Variants in CTSO observed in about 807,000 individuals in gnomAD.
CTSO encodes cathepsin O.
In CTSO, 40 loss-of-function variants were observed where a neutral mutation model predicts 42.4. The ratio of observed to expected loss-of-function variants is 0.94; its 90% confidence interval spans 0.73 to 1.23. The LOEUF (loss-of-function observed/expected upper bound fraction) is 1.23, where lower values mean the gene tolerates loss of function less well. CTSO is among the 50% of genes most tolerant of loss of function. The pLI is 0.00. For missense variants in CTSO, 441 were observed against 396.0 expected (o/e 1.11, Z -0.96); for synonymous variants, 156 against 146.2 (o/e 1.07, Z -0.48).
Position 155,925,809 on chromosome 4 carries a change from T to TA in CTSO, c.*226dup, listed in dbSNP as rs1241560469. 3 of 496,094 alleles carry TA rather than the reference T, an allele frequency of 6.0e-6. No homozygotes were observed. The highest frequency in any genetic ancestry group is 8.5e-5 in the Admixed American group (2 of 23,536). The allele number at this position is 496,094 out of a possible 1,614,324, so 30.7% of individuals were successfully genotyped here. A position where few individuals can be genotyped will look rare whatever the true frequency, so the allele number is the denominator to read the frequency against. On this transcript the variant is annotated 3_prime_UTR_variant, in exon 8 of 8. Coordinates refer to ENST00000433477, the MANE Select transcript of CTSO (RefSeq NM_001334.3). ...CGTCTCAGGACAGGAAACTATTCCATAGGCTTCCTCGCAGGCTTCTGTGCT... is the reference window on the plus strand; with the variant it reads ...CGTCTCAGGACAGGAAACTATTCCATAAGGCTTCCTCGCAGGCTTCTGTGCT...
chr4:155,942,103 A>T lies in CTSO; in HGVS notation c.384+214T>A, dbSNP rs965581721. ...TGGCAATGGCAATTAGTAAGAGTAC[A>T]CAGCAAGGAAGGTTTATCTTCAGAA... is the stretch of plus-strand genomic sequence containing the variant. On this transcript the variant is annotated intron_variant, in intron 3 of 7. Coordinates refer to ENST00000433477, the MANE Select transcript of CTSO (RefSeq NM_001334.3). 2.0e-5 allele frequency among the ~76,000 whole-genome samples: 3 copies of T among 152,006 alleles called. No individual in the cohort carries two copies. In the East Asian group the frequency reaches 5.8e-4, roughly 29 times the overall value.
rs1341001454 is a variant in CTSO at position 155,924,366 on chromosome 4, T to C, written c.*1670A>G. The C allele has an allele frequency of 6.6e-6, 1 of 152,208 alleles. No homozygotes were observed. Among genetic ancestry groups the C allele is most frequent in the African/African-American group, 2.4e-5 (1 of 41,458 alleles). 9.4% of individuals were successfully genotyped at this position (152,208 alleles called of 1,614,324 possible). The stretch of plus-strand genomic sequence containing the variant: ...ATTAAAAGGTCAATATCTGTCTTCC[T>C]GAAATAACTCCAAACCTGAGTCAAC... On this transcript the variant is annotated 3_prime_UTR_variant, in exon 8 of 8. Transcript: ENST00000433477.
chr4:155,937,010 T>C (rs1350170869), intron 5 of CTSO, among the ~76,000 whole-genome samples: 1 of 152,174 alleles, frequency 6.6e-6, no homozygotes, highest in African/African-American at 2.4e-5. Context: ...AATGGTAATA[T>C]AACACCTAAA....
rs1489484335 is a variant in CTSO at position 155,924,682 on chromosome 4, A to G, written c.*1354T>C. The G allele has an allele frequency of 6.6e-6, 1 of 152,216 alleles. No individual in the cohort carries two copies. The highest frequency in any genetic ancestry group is 1.5e-5 in the Non-Finnish European group (1 of 68,032). The allele number at this position is 152,216 out of a possible 1,614,324, so 9.4% of individuals were successfully genotyped here. A position where few individuals can be genotyped will look rare whatever the true frequency, so the allele number is the denominator to read the frequency against. On this transcript the variant is annotated 3_prime_UTR_variant, in exon 8 of 8. Coordinates refer to ENST00000433477, the MANE Select transcript of CTSO (RefSeq NM_001334.3). ...ATTCATTTAATATGGTTGTGCTTAT[A>G]TTCAATCAGAAGGTCAACTCCTTTG...
rs138585383 is a variant in CTSO at position 155,945,828 on chromosome 4, A to G, written c.136-2564T>C. Among the ~76,000 whole-genome samples, 3 of 152,310 alleles carry G rather than the reference A, an allele frequency of 2.0e-5. No individual in the cohort carries two copies. The East Asian group carries it at 5.8e-4, about 29-fold the overall frequency. ...GTGACCAAGTGAAGTTTATTTAGAA[A>G]TGCTAGGTTGGTTTAAAATTTCAAA... On this transcript the variant is annotated intron_variant, in intron 1 of 7. Transcript: ENST00000433477.
intron 1 of CTSO, among the ~76,000 whole-genome samples, chr4:155,946,854 T>A (rs1416240771): frequency 6.6e-6 from 1 of 152,102 alleles, no homozygotes; most frequent in African/African-American, 2.4e-5. Flanking sequence ...CACAGCGTAA[T>A]AATAATAATT....
chr4:155,934,430 G>C (rs900418697), intron 5 of CTSO, among the ~76,000 whole-genome samples: 2 of 152,200 alleles, frequency 1.3e-5, no homozygotes, highest in African/African-American at 2.4e-5. Context: ...GAGTCCCACA[G>C]GAGCTGCGAG....
chr4:155,935,279 T>G (rs906847653), intron 5 of CTSO, among the ~76,000 whole-genome samples: 5 of 152,142 alleles, frequency 3.3e-5, no homozygotes, highest in African/African-American at 1.2e-4. Context: ...TAAACCTCTT[T>G]TTCTTTCCAG....
intron 1 of CTSO, among the ~76,000 whole-genome samples, chr4:155,944,025 G>A (rs1201675270): frequency 3.3e-5 from 5 of 152,108 alleles, no homozygotes; most frequent in Admixed American, 1.3e-4. Flanking sequence ...CAACCCTAGC[G>A]CTTCTACATA....
chr4:155,944,694 C>T (rs1317757795), intron 1 of CTSO, among the ~76,000 whole-genome samples: 21 of 152,090 alleles, frequency 1.4e-4, no homozygotes, highest in African/African-American at 2.4e-5. Context: ...ACAGTTCTTA[C>T]GGGCTGCACC....
chr4:155,950,177 A>T (rs1450022067), intron 1 of CTSO, among the ~76,000 whole-genome samples: 1 of 152,244 alleles, frequency 6.6e-6, no homozygotes, highest in Non-Finnish European at 1.5e-5. Flanking sequence ...ATTGAATTAA[A>T]AATACATTCT....
chr4:155,932,201 A>ATT (rs933980692), intron 5 of CTSO, among the ~76,000 whole-genome samples: 2 of 151,966 alleles, frequency 1.3e-5, no homozygotes, highest in African/African-American at 4.8e-5. Context: ...ATTTTAGATG[A>ATT]TTTTTTTCCC....
At position 155,925,820 on chromosome 4, in the gene CTSO, G is replaced by A. The variant is rs886582104; in HGVS notation, c.*216C>T. ...AGGAAACTATTCCATAGGCTTCCTC[G>A]CAGGCTTCTGTGCTGGAGTTTGTCC... On this transcript the variant is annotated 3_prime_UTR_variant, in exon 8 of 8. Coordinates refer to ENST00000433477, the MANE Select transcript of CTSO (RefSeq NM_001334.3). 7 of 504,446 alleles carry A rather than the reference G, an allele frequency of 1.4e-5. No individual in the cohort carries two copies. Among genetic ancestry groups the A allele is most frequent in the Non-Finnish European group, 2.4e-5 (7 of 290,904 alleles). 31.2% of individuals were successfully genotyped at this position (504,446 alleles called of 1,614,324 possible). A position where few individuals can be genotyped will look rare whatever the true frequency, so the allele number is the denominator to read the frequency against.
intron 4 of CTSO, among the ~76,000 whole-genome samples, chr4:155,939,112 A>T (rs1009713257): frequency 1.3e-5 from 2 of 152,238 alleles, no homozygotes; most frequent in African/African-American, 4.8e-5. Flanking sequence ...GTATATATTA[A>T]GAAATGTTAA....
chr4:155,953,637 C>T (rs1255503073), intron 1 of CTSO, 76 bp downstream of exon 1: 1 of 1,228,396 alleles, frequency 8.1e-7, no homozygotes, highest in Non-Finnish European at 1.0e-6. Flanking sequence ...CTCTCGGGGG[C>T]CCTCTTCCGC....
chr4:155,942,573 A>T, intron 2 of CTSO, 117 bp from the exon 3 acceptor site: 1 of 357,736 alleles, frequency 2.8e-6, no homozygotes, highest in Non-Finnish European at 4.2e-6. Context: ...ATAGGGAGAC[A>T]ACCAATATTA....
intron 1 of CTSO, among the ~76,000 whole-genome samples, chr4:155,951,626 C>G (rs1267545777): frequency 6.6e-6 from 1 of 152,208 alleles, no homozygotes; most frequent in Non-Finnish European, 1.5e-5. Context: ...TCACCATTCT[C>G]TAAACCCATG....
intron 7 of CTSO, among the ~76,000 whole-genome samples, chr4:155,926,547 T>C (rs971833239): frequency 6.6e-6 from 1 of 152,166 alleles, no homozygotes; most frequent in Non-Finnish European, 1.5e-5. Context: ...AAGCAATAAA[T>C]AGCCTATCTG....
chr4:155,936,895 A>G (rs953940278), intron 5 of CTSO, among the ~76,000 whole-genome samples: 1 of 152,190 alleles, frequency 6.6e-6, no homozygotes, highest in Non-Finnish European at 1.5e-5. Context: ...AAGAACATAG[A>G]AGGTGTTCAA....
Sources: allele counts gnomAD v4.1 joint callset (sites outside exome capture counted in the v4.1 genomes callset), GRCh38; gene constraint gnomAD v4.1.1; transcripts MANE v1.5; gene names NCBI Gene and HGNC (gene_info 2026-07-23, HGNC 2026-07-21).